CNOT10: variants seen among roughly 807,000 people sequenced by gnomAD.
The protein encoded by CNOT10 is CCR4-NOT transcription complex subunit 10.
A neutral mutation model predicts 94.6 loss-of-function variants in CNOT10; 30 were observed. The ratio of observed to expected loss-of-function variants is 0.32; its 90% CI spans 0.24 to 0.43. The LOEUF (loss-of-function observed/expected upper bound fraction) is 0.43. Ranked by LOEUF, CNOT10 falls within the 20% of genes least tolerant of loss-of-function variation. The pLI is 1.00. For synonymous variants in CNOT10, 289 were observed against 301.6 expected, an observed-to-expected ratio of 0.96 and a Z score of 0.43; for missense variants, 759 against 877.2, an observed-to-expected ratio of 0.87 and a Z score of 1.70.
intron 1 of CNOT10, among the ~76,000 whole-genome samples, chr3:32,688,539 G>A (rs932829559): frequency 2.6e-5 from 4 of 152,048 alleles, no homozygotes; most frequent in African/African-American, 4.8e-5. Context: ...AGAGGTTGCA[G>A]CAACCCGAGA....
At chr3:32,763,614 C>T (rs1395025032) in intron 15 of CNOT10, among the ~76,000 whole-genome samples, 2 of 151,294 alleles carry the variant, frequency 1.3e-5, no homozygotes, top group Non-Finnish European at 2.9e-5. Context: ...CACGCCACTG[C>T]ACTCCAGCCT....
rs1700636634 is a variant in CNOT10 at position 32,766,168 on chromosome 3, G to T, written c.2004+1359G>T. Among the ~76,000 whole-genome samples the T allele has an allele frequency of 4.4e-5, 2 of 45,834 alleles. 1 individual carries two copies. Among genetic ancestry groups the T allele is most frequent in the Non-Finnish European group, 9.5e-5 (2 of 21,002 alleles). The allele number at this position is 45,834 out of a possible 152,430, so 30.1% of individuals were successfully genotyped here. A position where few individuals can be genotyped will look rare whatever the true frequency, so the allele number is the denominator to read the frequency against. ...TTACAGGCATGTACCACCACGCCCG[G>T]CTAATTTTGTATTTTTAATAGAGAC... On this transcript the variant is annotated intron_variant, in intron 17 of 18. Coordinates refer to ENST00000328834, the MANE Select transcript of CNOT10 (RefSeq NM_015442.3).
At chr3:32,737,820 C>G (rs964217007) in intron 13 of CNOT10, among the ~76,000 whole-genome samples, 2 of 151,698 alleles carry the variant, frequency 1.3e-5, no homozygotes, top group Non-Finnish European at 1.5e-5. Flanking sequence ...AAAAAAAGAA[C>G]ACATTCTTTT....
intron 1 of CNOT10, among the ~76,000 whole-genome samples, chr3:32,701,403 C>CT (rs994374326): frequency 1.3e-5 from 2 of 152,142 alleles, no homozygotes; most frequent in East Asian, 3.8e-4. Context: ...GGCTTAGACT[C>CT]TTTTGAAAAA....
At chr3:32,717,574 C>T (rs796353333) in intron 7 of CNOT10, among the ~76,000 whole-genome samples, 18 of 152,106 alleles carry the variant, frequency 1.2e-4, no homozygotes, top group African/African-American at 4.3e-4. Flanking sequence ...TAGTATTATA[C>T]TCAAAACATT....
chr3:32,733,380 TAC>T, intron 10 of CNOT10, 41 bp from the exon 11 acceptor site: 10 of 1,441,902 alleles, frequency 6.9e-6, no homozygotes, highest in Non-Finnish European at 9.4e-6. Flanking sequence ...TACCACATCT[TAC>T]AATTCCCTTA....
intron 17 of CNOT10, among the ~76,000 whole-genome samples, chr3:32,766,699 A>G (rs994653636): frequency 1.3e-5 from 2 of 152,062 alleles, no homozygotes; most frequent in African/African-American, 4.8e-5. Flanking sequence ...GAAACTCCAT[A>G]CACACTAAAG....
chr3:32,764,346 A>AAG, intron 15 of CNOT10, 109 bp from the exon 16 acceptor site: 1 of 1,213,568 alleles, frequency 8.2e-7, no homozygotes, highest in African/African-American at 1.5e-5. Flanking sequence ...CAAAAAAAAA[A>AAG]AAAAGAAAAG....
intron 18 of CNOT10, 89 bp downstream of exon 18, chr3:32,770,051 G>A (rs1022233243): frequency 7.1e-6 from 7 of 988,012 alleles, no homozygotes; most frequent in Non-Finnish European, 9.6e-6. Context: ...TGTTGCCCAG[G>A]CTGGAGTGCA....
intron 12 of CNOT10, among the ~76,000 whole-genome samples, chr3:32,736,402 T>C (rs927017067): frequency 6.6e-6 from 1 of 152,178 alleles, no homozygotes; most frequent in Admixed American, 6.6e-5. Flanking sequence ...TTCTGCTTTT[T>C]ATACATGGCA....
intron 13 of CNOT10, among the ~76,000 whole-genome samples, chr3:32,756,409 C>T (rs1279761478): frequency 2.0e-5 from 3 of 152,192 alleles, no homozygotes; most frequent in Non-Finnish European, 4.4e-5. Context: ...AATCCTGCTG[C>T]AAATCTTACA....
rs187088675 is a variant in CNOT10 at position 32,691,914 on chromosome 3, G to A, written c.22+6432G>A. On this transcript the variant is annotated intron_variant, in intron 1 of 18. Coordinates refer to ENST00000328834, the MANE Select transcript of CNOT10 (RefSeq NM_015442.3). ...CTACCAAAAATGTAAAAAATTAGTGGTGGCGCATGCCTGTAGTCCCACCTA... is the reference window on the plus strand; with the variant it reads ...CTACCAAAAATGTAAAAAATTAGTGATGGCGCATGCCTGTAGTCCCACCTA... Among the ~76,000 whole-genome samples the A allele has an allele frequency of 1.5e-4, 23 of 152,084 alleles. No homozygotes were observed. In the East Asian group the frequency reaches 4.4e-3, roughly 29 times the overall value.
chr3:32,734,922 A>G lies in CNOT10; in HGVS notation c.1460A>G (p.Asn487Ser). 1 of 1,614,156 alleles carries G rather than the reference A, an allele frequency of 6.2e-7. No individual in the cohort carries two copies. Among genetic ancestry groups the G allele is most frequent in the Non-Finnish European group, 8.5e-7 (1 of 1,180,000 alleles). Residue 487 changes from asparagine to serine, a missense_variant, in exon 12 of 19, where the codon AAT becomes AGT. By Grantham distance (46) the Asn-to-Ser change is conservative. Transcript: ENST00000328834. ...QDPKQENGAK[N>S]SNQLGGNTES... ...CCAAAGCAGGAAAATGGGGCTAAAAATAGTAATCAATTAGGTGGGAACACA... is the reference window on the plus strand; with the variant it reads ...CCAAAGCAGGAAAATGGGGCTAAAAGTAGTAATCAATTAGGTGGGAACACA...
intron 13 of CNOT10, among the ~76,000 whole-genome samples, chr3:32,739,541 C>T (rs1278092126): frequency 6.6e-6 from 1 of 151,942 alleles, no homozygotes; most frequent in East Asian, 1.9e-4. Flanking sequence ...AATTAAACTT[C>T]ATTTAGAGAC....
intron 7 of CNOT10, 130 bp downstream of exon 7, chr3:32,717,367 G>T: frequency 1.9e-6 from 1 of 515,206 alleles, no homozygotes; most frequent in Non-Finnish European, 3.4e-6. Context: ...CTATTTTAAA[G>T]TTGGGAAGTA....
Position 32,725,502 on chromosome 3 carries a change from C to A in CNOT10, c.915C>A (p.Ala305=), listed in dbSNP as rs150438661. The A allele has an allele frequency of 4.1e-5, 66 of 1,613,782 alleles. No homozygotes were observed. In the African/African-American group the frequency reaches 6.5e-4, roughly 16 times the overall value. Residue 305 remains alanine (A), a synonymous_variant, in exon 9 of 19, where the codon GCC becomes GCA. Coordinates refer to ENST00000328834, the MANE Select transcript of CNOT10 (RefSeq NM_015442.3). Reference sequence around the variant, plus strand: ...ATAACCTTGGTTGCATCCATTTTGCCATGAGCAAGCACAATTTGGGAATAT... The same window carrying A: ...ATAACCTTGGTTGCATCCATTTTGCAATGAGCAAGCACAATTTGGGAATAT... ...FWNNLGCIHF[A]MSKHNLGIFY...
At chr3:32,761,053 T>C (rs543273200) in intron 14 of CNOT10, among the ~76,000 whole-genome samples, 1 of 152,168 alleles carries the variant, frequency 6.6e-6, no homozygotes, top group East Asian at 1.9e-4. Flanking sequence ...TGCTTGAGCC[T>C]GGGAGGCAGA....
chr3:32,773,424 T>C (rs1700996352), intron 18 of CNOT10, 33 bp from the exon 19 acceptor site: 5 of 1,596,468 alleles, frequency 3.1e-6, no homozygotes, highest in African/African-American at 1.3e-5. Context: ...TATTGTTCTG[T>C]GCTTTGTTTT....
intron 13 of CNOT10, among the ~76,000 whole-genome samples, chr3:32,738,279 C>A (rs1004329414): frequency 6.6e-6 from 1 of 152,034 alleles, no homozygotes. Flanking sequence ...CCCCATGACA[C>A]AAGTTTACCA....
Sources: gnomAD v4.1 joint callset for allele counts (sites outside exome capture counted in the v4.1 genomes callset) on GRCh38, gnomAD v4.1.1 for gene constraint, MANE v1.5 for transcripts, NCBI Gene and HGNC (gene_info 2026-07-23, HGNC 2026-07-21) for gene names.